RABGAP1L: variants seen among roughly 807,000 people sequenced by gnomAD.
RABGAP1L encodes the protein RAB GTPase activating protein 1 like.
RABGAP1L carries 63 observed loss-of-function variants against 137.7 expected under a neutral mutation model. That is an observed-to-expected ratio of 0.46 (90% CI 0.37 to 0.56). The LOEUF (loss-of-function observed/expected upper bound fraction) is 0.56, where lower values mean the gene tolerates loss of function less well. Among genes scored for constraint, RABGAP1L ranks in the 20% least tolerant of loss-of-function variants. RABGAP1L has a pLI of 0.00. For synonymous variants in RABGAP1L, 431 were observed against 433.7 expected (o/e 0.99, Z 0.08); for missense variants, 1,095 against 1,244.0 (o/e 0.88, Z 1.80).
chr1:174,946,916 AAATATATAT>A (rs1450674437), intron 19 of RABGAP1L, among the ~76,000 whole-genome samples: 1 of 49,974 alleles, frequency 2.0e-5, no homozygotes, highest in Non-Finnish European at 3.4e-5. Context: ...AAAAAAAAAA[AAATATATAT>A]ATATATATAT....
At chr1:174,986,550 T>C (rs1671606953) in intron 24 of RABGAP1L, among the ~76,000 whole-genome samples, 1 of 152,196 alleles carries the variant, frequency 6.6e-6, no homozygotes, top group Non-Finnish European at 1.5e-5. Context: ...TTTTAGCAGG[T>C]CTGCCAGACT....
chr1:174,463,074 C>G (rs185830696), intron 13 of RABGAP1L, among the ~76,000 whole-genome samples: 12 of 152,264 alleles, frequency 7.9e-5, no homozygotes, highest in African/African-American at 2.6e-4. Flanking sequence ...GGACTGTAAA[C>G]TAGTTCAACC....
chr1:174,360,542 G>A (rs539215065), intron 11 of RABGAP1L, among the ~76,000 whole-genome samples: 45 of 152,204 alleles, frequency 3.0e-4, no homozygotes, highest in Middle Eastern at 6.8e-3. Flanking sequence ...AGAAACTAAC[G>A]CTTACTTAGA....
At chr1:174,675,923 A>G (rs1192208914) in intron 14 of RABGAP1L, among the ~76,000 whole-genome samples, 1 of 152,240 alleles carries the variant, frequency 6.6e-6, no homozygotes, top group Non-Finnish European at 1.5e-5. Flanking sequence ...CATATGTAAC[A>G]AAAACCTTGC....
At chr1:174,701,032 C>G (rs781200683) in intron 16 of RABGAP1L, 225 of 1,294,322 alleles carry the variant, frequency 1.7e-4, no homozygotes, top group Non-Finnish European at 2.2e-4. Context: ...GCACATTTGG[C>G]TATTTTTCAA....
chr1:174,388,926 A>C (rs1233131513), intron 12 of RABGAP1L, among the ~76,000 whole-genome samples: 3 of 152,008 alleles, frequency 2.0e-5, no homozygotes, highest in Non-Finnish European at 4.4e-5. Context: ...CCTCCTATCA[A>C]AATTTCTGTA....
intron 1 of RABGAP1L, among the ~76,000 whole-genome samples, chr1:174,204,500 A>G (rs571429065): frequency 6.6e-6 from 1 of 152,228 alleles, no homozygotes; most frequent in South Asian, 2.1e-4. Context: ...TTTTACAGGG[A>G]ATGCTTCTAG....
chr1:174,663,851 A>G (rs1368327604), intron 14 of RABGAP1L, among the ~76,000 whole-genome samples: 2 of 152,124 alleles, frequency 1.3e-5, no homozygotes. Context: ...TTCTCCTGCT[A>G]TATACTTATT....
intron 19 of RABGAP1L, among the ~76,000 whole-genome samples, chr1:174,938,798 C>A (rs1281637902): frequency 6.6e-6 from 1 of 152,188 alleles, no homozygotes; most frequent in Non-Finnish European, 1.5e-5. Context: ...TCCTGTTCCC[C>A]TGGAAATGAG....
chr1:174,319,824 G>T (rs1004013756), intron 11 of RABGAP1L, among the ~76,000 whole-genome samples: 1 of 152,142 alleles, frequency 6.6e-6, no homozygotes, highest in Non-Finnish European at 1.5e-5. Context: ...AGCTGTTGAT[G>T]TGATAGAGTA....
At chr1:174,351,204 T>G (rs1330625321) in intron 11 of RABGAP1L, among the ~76,000 whole-genome samples, 2 of 152,294 alleles carry the variant, frequency 1.3e-5, no homozygotes, top group East Asian at 1.9e-4. Context: ...AGTTTACTAG[T>G]TTACAAAGCA....
chr1:174,543,286 G>T (rs1665654106), intron 13 of RABGAP1L, among the ~76,000 whole-genome samples: 1 of 152,208 alleles, frequency 6.6e-6, no homozygotes, highest in Middle Eastern at 3.4e-3. Flanking sequence ...TTCTGTATTG[G>T]GTGCATATAT....
intron 19 of RABGAP1L, among the ~76,000 whole-genome samples, chr1:174,867,349 A>AAGAT (rs1175116413): frequency 3.0e-4 from 45 of 151,974 alleles, no homozygotes; most frequent in African/African-American, 7.2e-4. Context: ...CCAAAAAAAA[A>AAGAT]AGATAGATAG....
intron 18 of RABGAP1L, among the ~76,000 whole-genome samples, chr1:174,759,382 G>A (rs982216200): frequency 2.0e-5 from 3 of 151,534 alleles, no homozygotes; most frequent in Non-Finnish European, 4.4e-5. Context: ...ATCACTGGAG[G>A]TCAGGAGTTA....
chr1:174,550,917 C>CACACACACATAT (rs1374389910), intron 13 of RABGAP1L, among the ~76,000 whole-genome samples: 3,594 of 96,246 alleles, frequency 0.037, 216 homozygotes, highest in Middle Eastern at 0.093. Flanking sequence ...TATACACACA[C>CACACACACATAT]ACACATATAT....
chr1:174,897,406 G>A (rs928301307), intron 19 of RABGAP1L: 37 of 152,230 alleles, frequency 2.4e-4, no homozygotes, highest in Non-Finnish European at 4.6e-4. Context: ...TGTGAAAATC[G>A]TATGAAATCA....
At chr1:174,191,662 G>T (rs992316942) in intron 1 of RABGAP1L, among the ~76,000 whole-genome samples, 8 of 152,144 alleles carry the variant, frequency 5.3e-5, no homozygotes, top group African/African-American at 1.9e-4. Context: ...CATTCCTGTT[G>T]CTTTCTTCTT....
At chr1:174,743,201 T>C (rs560470724) in intron 17 of RABGAP1L, among the ~76,000 whole-genome samples, 57 of 152,112 alleles carry the variant, frequency 3.7e-4, no homozygotes, top group Non-Finnish European at 6.8e-4. Flanking sequence ...GGAAGAGATA[T>C]AGCAATATGT....
At chr1:174,689,474 G>A (rs1479168408) in intron 15 of RABGAP1L, among the ~76,000 whole-genome samples, 2 of 152,112 alleles carry the variant, frequency 1.3e-5, no homozygotes, top group Non-Finnish European at 2.9e-5. Flanking sequence ...TTGGACTGCA[G>A]AGTTCATATT....
Sources: gnomAD v4.1 joint callset for allele counts (sites outside exome capture counted in the v4.1 genomes callset) on GRCh38, gnomAD v4.1.1 for gene constraint, MANE v1.5 for transcripts, NCBI Gene and HGNC (gene_info 2026-07-23, HGNC 2026-07-21) for gene names.